The following KCNMB2 variants were observed in gnomAD, a reference collection of about 807,000 sequenced individuals.
KCNMB2 encodes calcium-activated potassium channel subunit beta-2.
A neutral mutation model predicts 24.5 loss-of-function variants in KCNMB2; 9 were observed. The ratio of observed to expected loss-of-function variants is 0.37; its 90% CI spans 0.22 to 0.64. The LOEUF is 0.64. Ranked by LOEUF, KCNMB2 falls within the 30% of genes least tolerant of loss-of-function variation. KCNMB2 has a pLI of 0.63. For missense variants in KCNMB2, 226 were observed against 284.3 expected (o/e 0.79, Z 1.47); for synonymous variants, 109 against 104.4 (o/e 1.04, Z -0.27).
intron 1 of KCNMB2, among the ~76,000 whole-genome samples, chr3:178,800,859 C>A (rs1713747836): frequency 6.6e-6 from 1 of 152,034 alleles, no homozygotes; most frequent in Non-Finnish European, 1.5e-5. Context: ...AAAAATAGAT[C>A]CTGTCATTTA....
At chr3:178,679,518 T>C (rs1004730505) in intron 1 of KCNMB2, among the ~76,000 whole-genome samples, 14 of 152,196 alleles carry the variant, frequency 9.2e-5, no homozygotes, top group African/African-American at 3.1e-4. Flanking sequence ...CAACTGTCTG[T>C]TGGGGCTTGC....
chr3:178,826,221 G>A (rs1011938269), intron 3 of KCNMB2, among the ~76,000 whole-genome samples: 17 of 151,970 alleles, frequency 1.1e-4, no homozygotes, highest in African/African-American at 2.2e-4. Flanking sequence ...TTCCACGTGA[G>A]TGGTTCTCAA....
In KCNMB2 at chr3:178,565,326, G is replaced by A. The variant is rs936125288; in HGVS notation, c.-68+28615G>A. On this transcript the variant is annotated intron_variant, in intron 1 of 4. Coordinates refer to ENST00000452583, the MANE Select transcript of KCNMB2 (RefSeq NM_181361.3). ...GTCATACAAGCAGCCACCAGCAGTC[G>A]AGACTCATCATAGTTCCTGCTTCAG... Among the ~76,000 whole-genome samples, 9 of 152,144 alleles carry A rather than the reference G, an allele frequency of 5.9e-5. No individual in the cohort carries two copies. The East Asian group carries it at 1.5e-3, about 26-fold the overall frequency.
At chr3:178,712,196 A>C (rs568610711) in intron 1 of KCNMB2, among the ~76,000 whole-genome samples, 2 of 152,358 alleles carry the variant, frequency 1.3e-5, no homozygotes, top group African/African-American at 4.8e-5. Context: ...AACAGAAAAT[A>C]ACAAGAGTAA....
intron 2 of KCNMB2, among the ~76,000 whole-genome samples, chr3:178,811,605 C>G: frequency 6.6e-6 from 1 of 152,192 alleles, no homozygotes; most frequent in African/African-American, 2.4e-5. Context: ...ATTTATTCAT[C>G]CAGTCTACTG....
intron 1 of KCNMB2, among the ~76,000 whole-genome samples, chr3:178,806,404 T>C (rs896815717): frequency 1.3e-5 from 2 of 152,230 alleles, no homozygotes; most frequent in Non-Finnish European, 2.9e-5. Context: ...GATAATATGG[T>C]ATATAGTAGC....
chr3:178,731,626 G>A lies in KCNMB2; in HGVS notation c.-67-75717G>A, dbSNP rs141366672. On this transcript the variant is annotated intron_variant, in intron 1 of 4. Coordinates refer to ENST00000452583, the MANE Select transcript of KCNMB2 (RefSeq NM_181361.3). The stretch of plus-strand genomic sequence containing the variant: ...AAATTAAAATAATTAAAACCTAGCC[G>A]GGCACAGTGGCTCATGCCTGTAATC... Among the ~76,000 whole-genome samples the A allele has an allele frequency of 9.8e-4, 149 of 152,268 alleles. 1 individual carries two copies. The highest frequency in any genetic ancestry group is 3.3e-3 in the African/African-American group (136 of 41,552).
intron 1 of KCNMB2, chr3:178,801,764 A>C (rs1193467904): frequency 6.6e-6 from 1 of 152,238 alleles, no homozygotes; most frequent in Non-Finnish European, 1.5e-5. Flanking sequence ...GAGCTTAAGT[A>C]AATGTGGAGA....
chr3:178,559,366 T>C (rs1378050757), intron 1 of KCNMB2, among the ~76,000 whole-genome samples: 1 of 152,062 alleles, frequency 6.6e-6, no homozygotes, highest in Non-Finnish European at 1.5e-5. Context: ...ATATAATACA[T>C]TGGAATCATG....
At position 178,757,741 on chromosome 3, in the gene KCNMB2, TATATATATAAGAGG is replaced by T. The variant is rs1376114466; in HGVS notation, c.-67-49592_-67-49579del. 1.5e-4 allele frequency among the ~76,000 whole-genome samples: 13 copies of T among 87,744 alleles called. 2 individuals carry two copies. Among genetic ancestry groups the T allele is most frequent in the Admixed American group, 4.1e-4 (3 of 7,252 alleles). The allele number at this position is 87,744 out of a possible 152,430, so 57.6% of individuals were successfully genotyped here. A position where few individuals can be genotyped will look rare whatever the true frequency, so the allele number is the denominator to read the frequency against. ...ATATGTATATATATCCAAGAGGATA[TATATATATAAGAGG>T]ATATATATATATATCCAAGAGGATA... On this transcript the variant is annotated intron_variant, in intron 1 of 4. Transcript: ENST00000452583.
intron 1 of KCNMB2, among the ~76,000 whole-genome samples, chr3:178,726,385 G>T (rs1265288039): frequency 2.6e-5 from 4 of 151,942 alleles, no homozygotes; most frequent in African/African-American, 4.8e-5. Flanking sequence ...TTTCTCATTT[G>T]TGATGTTCTG....
At chr3:178,834,598 A>G (rs750209511) in intron 4 of KCNMB2, among the ~76,000 whole-genome samples, 30 of 152,294 alleles carry the variant, frequency 2.0e-4, no homozygotes, top group Non-Finnish European at 4.1e-4. Flanking sequence ...GCACCAGTTT[A>G]TGTAGAGTGG....
At chr3:178,784,481 A>G (rs1713014660) in intron 1 of KCNMB2, among the ~76,000 whole-genome samples, 1 of 152,166 alleles carries the variant, frequency 6.6e-6, no homozygotes, top group Non-Finnish European at 1.5e-5. Context: ...AATGTAGGAG[A>G]TGCAAGCTCT....
chr3:178,596,048 C>T (rs1251028748), intron 1 of KCNMB2, among the ~76,000 whole-genome samples: 1 of 152,048 alleles, frequency 6.6e-6, no homozygotes, highest in Non-Finnish European at 1.5e-5. Context: ...GCTTGAGAGG[C>T]ACCTTCCACT....
chr3:178,660,030 T>C (rs931185255), intron 1 of KCNMB2, among the ~76,000 whole-genome samples: 1 of 152,146 alleles, frequency 6.6e-6, no homozygotes, highest in African/African-American at 2.4e-5. Context: ...TGCTAGTCTC[T>C]ATATCAAGCG....
intron 1 of KCNMB2, among the ~76,000 whole-genome samples, chr3:178,759,757 T>TCTAC (rs1711658031): frequency 3.4e-5 from 1 of 29,666 alleles, no homozygotes; most frequent in African/African-American, 1.8e-4. Context: ...GATATATCTA[T>TCTAC]ATATATATAT....
At chr3:178,784,962 A>C (rs1713043156) in intron 1 of KCNMB2, among the ~76,000 whole-genome samples, 1 of 151,882 alleles carries the variant, frequency 6.6e-6, no homozygotes, top group African/African-American at 2.4e-5. Context: ...ATCTCTGACA[A>C]ATGCTAATAT....
At chr3:178,738,955 A>T (rs548307290) in intron 1 of KCNMB2, among the ~76,000 whole-genome samples, 38 of 152,314 alleles carry the variant, frequency 2.5e-4, no homozygotes, top group Admixed American at 1.5e-3. Flanking sequence ...GTTTCCCAAC[A>T]TGTAGAAAAT....
rs10688616 is a variant in KCNMB2, at chr3:178,757,381, G to GAT, written c.-67-49951_-67-49950dup. The stretch of plus-strand genomic sequence containing the variant: ...ATATATATATATATATATCCAAGAG[G>GAT]ATATATATATATGTATATATATCCA... On this transcript the variant is annotated intron_variant, in intron 1 of 4. Coordinates refer to ENST00000452583, the MANE Select transcript of KCNMB2 (RefSeq NM_181361.3). Among the ~76,000 whole-genome samples the GAT allele has an allele frequency of 7.2e-3, 191 of 26,614 alleles. 1 individual carries two copies. The highest frequency in any genetic ancestry group is 0.019 in the South Asian group (14 of 742). 17.5% of individuals were successfully genotyped at this position (26,614 alleles called of 152,430 possible). A position where few individuals can be genotyped will look rare whatever the true frequency, so the allele number is the denominator to read the frequency against.
Sources: allele counts gnomAD v4.1 joint callset (sites outside exome capture counted in the v4.1 genomes callset), GRCh38; gene constraint gnomAD v4.1.1; transcripts MANE v1.5; gene names NCBI Gene and HGNC (gene_info 2026-07-23, HGNC 2026-07-21).